The following ITK variants were observed in gnomAD, a reference collection of about 807,000 sequenced individuals.
ITK encodes the protein tyrosine-protein kinase ITK/TSK.
A neutral mutation model predicts 87.6 loss-of-function variants in ITK; 45 were observed. The observed-to-expected ratio is 0.51, with a 90% CI of 0.40 to 0.66. ITK has a LOEUF of 0.66. Ranked by LOEUF, ITK falls within the 30% of genes least tolerant of loss-of-function variation. The pLI is 0.00. For missense variants in ITK, 605 were observed against 766.3 expected, an observed-to-expected ratio of 0.79 and a Z score of 2.48; for synonymous variants, 303 against 273.6, an observed-to-expected ratio of 1.11 and a Z score of -1.06.
intron 10 of ITK, chr5:157,240,709 T>C (rs1754875270): frequency 1.0e-5 from 2 of 190,888 alleles, no homozygotes; most frequent in African/African-American, 4.7e-5. Flanking sequence ...GAGTATCACA[T>C]GGCAGGAGCA....
Position 157,228,366 on chromosome 5 carries a change from G to C in ITK, c.713+5G>C, listed in dbSNP as rs1001542336. On this transcript the variant is annotated splice_donor_5th_base_variant and intron_variant, in intron 7 of 16. Transcript: ENST00000422843. ...AAATAATCTGGAAACCTATGAGTAA[G>C]ATATTTTATTTGTTTTTGGAAAATA... 6.4e-7 allele frequency: 1 copy of C among 1,552,890 alleles called. No homozygotes were observed. The highest frequency in any genetic ancestry group is 8.9e-7 in the Non-Finnish European group (1 of 1,124,522).
At chr5:157,231,041 T>C (rs192182748) in intron 7 of ITK, among the ~76,000 whole-genome samples, 1 of 152,330 alleles carries the variant, frequency 6.6e-6, no homozygotes, top group African/African-American at 2.4e-5. Context: ...TTTTTATTCG[T>C]GAACTTAGTG....
chr5:157,212,841 T>C (rs1208769721), intron 3 of ITK, among the ~76,000 whole-genome samples: 1 of 150,798 alleles, frequency 6.6e-6, no homozygotes, highest in Non-Finnish European at 1.5e-5. Flanking sequence ...ACCCTGTTCT[T>C]ACCCCACCAA....
At chr5:157,233,770 T>C (rs994752065) in intron 8 of ITK, among the ~76,000 whole-genome samples, 2 of 151,432 alleles carry the variant, frequency 1.3e-5, no homozygotes, top group Non-Finnish European at 1.5e-5. Context: ...AGTTTTGTTA[T>C]ATTAATCACA....
intron 12 of ITK, 42 bp from the exon 13 acceptor site, chr5:157,244,220 G>T: frequency 6.6e-7 from 1 of 1,512,822 alleles, no homozygotes; most frequent in South Asian, 1.1e-5. Flanking sequence ...ATTTTTGGGA[G>T]ACTGAGTTTA....
intron 1 of ITK, among the ~76,000 whole-genome samples, chr5:157,190,627 T>C (rs1294237128): frequency 5.9e-5 from 9 of 152,190 alleles, no homozygotes; most frequent in African/African-American, 1.7e-4. Flanking sequence ...GTAGGTTCTA[T>C]GGCAAGACCA....
intron 1 of ITK, among the ~76,000 whole-genome samples, chr5:157,207,624 C>T (rs923635787): frequency 6.6e-6 from 1 of 151,990 alleles, no homozygotes; most frequent in Admixed American, 6.6e-5. Flanking sequence ...AGGTGATCTT[C>T]CCGTGTCGGC....
intron 1 of ITK, among the ~76,000 whole-genome samples, chr5:157,182,789 T>A (rs1050200119): frequency 6.6e-6 from 1 of 152,208 alleles, no homozygotes; most frequent in Non-Finnish European, 1.5e-5. Flanking sequence ...ATCATCTCAT[T>A]TAGTTAGTAT....
intron 6 of ITK, among the ~76,000 whole-genome samples, chr5:157,227,098 G>T (rs1434801697): frequency 6.6e-6 from 1 of 152,116 alleles, no homozygotes; most frequent in Non-Finnish European, 1.5e-5. Flanking sequence ...AGGATTACAG[G>T]TGTGAGCCAC....
At chr5:157,203,072 A>C (rs1165195232) in intron 1 of ITK, among the ~76,000 whole-genome samples, 4 of 152,010 alleles carry the variant, frequency 2.6e-5, no homozygotes, top group Non-Finnish European at 4.4e-5. Context: ...CTCCTGTTCG[A>C]CTTTTTGGTC....
intron 8 of ITK, among the ~76,000 whole-genome samples, chr5:157,236,467 C>T (rs1754777658): frequency 6.6e-6 from 1 of 152,014 alleles, no homozygotes; most frequent in Non-Finnish European, 1.5e-5. Context: ...GATATGTGCC[C>T]ACAGGCAAAC....
intron 16 of ITK, among the ~76,000 whole-genome samples, chr5:157,250,123 A>G (rs1755112355): frequency 6.6e-6 from 1 of 152,208 alleles, no homozygotes; most frequent in African/African-American, 2.4e-5. Context: ...TGTGCTGTAG[A>G]GTTCTGTAGG....
chr5:157,189,775 G>A (rs375918580), intron 1 of ITK, among the ~76,000 whole-genome samples: 2 of 152,230 alleles, frequency 1.3e-5, no homozygotes, highest in African/African-American at 2.4e-5. Flanking sequence ...TGGAAATCGT[G>A]TCTACAAAAA....
chr5:157,206,393 G>A (rs1202991624), intron 1 of ITK, among the ~76,000 whole-genome samples: 2 of 152,088 alleles, frequency 1.3e-5, no homozygotes, highest in Non-Finnish European at 2.9e-5. Context: ...GGATGATGCT[G>A]GCCTCATAGA....
intron 1 of ITK, among the ~76,000 whole-genome samples, chr5:157,203,992 T>A (rs1184829443): frequency 6.6e-6 from 1 of 152,214 alleles, no homozygotes; most frequent in Non-Finnish European, 1.5e-5. Context: ...CACATGCCTC[T>A]GTAGTATTTT....
chr5:157,200,812 C>T (rs1753955359), intron 1 of ITK, among the ~76,000 whole-genome samples: 1 of 152,164 alleles, frequency 6.6e-6, no homozygotes, highest in African/African-American at 2.4e-5. Context: ...GAGAACTCCT[C>T]CTTGGAAATC....
At chr5:157,236,848 T>C (rs1040917420) in intron 8 of ITK, among the ~76,000 whole-genome samples, 5 of 152,144 alleles carry the variant, frequency 3.3e-5, no homozygotes, top group African/African-American at 1.2e-4. Flanking sequence ...TTCCCACCTC[T>C]CTCATGAAAC....
At chr5:157,212,422 T>TGTTGTGAGCCTTAAATCG (rs1164446064) in intron 3 of ITK, among the ~76,000 whole-genome samples, 3 of 152,156 alleles carry the variant, frequency 2.0e-5, no homozygotes, top group Non-Finnish European at 4.4e-5. Flanking sequence ...ATCCCGAGGT[T>TGTTGTGAGCCTTAAATCG]GTTGTGAGCC....
In ITK at chr5:157,252,761, C is replaced by A. The variant is rs1755168699; in HGVS notation, c.*83C>A. On this transcript the variant is annotated 3_prime_UTR_variant, in exon 17 of 17. Coordinates refer to ENST00000422843, the MANE Select transcript of ITK (RefSeq NM_005546.4). Reference sequence around the variant, plus strand: ...TCATTCCATAGAGCATTAGAAGCTGCCACCAGCCCAGGACCCTCCAGAGGC... The same window carrying A: ...TCATTCCATAGAGCATTAGAAGCTGACACCAGCCCAGGACCCTCCAGAGGC... 1.8e-6 allele frequency: 2 copies of A among 1,123,450 alleles called. No individual in the cohort carries two copies. The highest frequency in any genetic ancestry group is 2.7e-6 in the Non-Finnish European group (2 of 736,788). The allele number at this position is 1,123,450 out of a possible 1,614,324, so 69.6% of individuals were successfully genotyped here. A position where few individuals can be genotyped will look rare whatever the true frequency, so the allele number is the denominator to read the frequency against.
Sources: gnomAD v4.1 joint callset for allele counts (sites outside exome capture counted in the v4.1 genomes callset) on GRCh38, gnomAD v4.1.1 for gene constraint, MANE v1.5 for transcripts, NCBI Gene and HGNC (gene_info 2026-07-23, HGNC 2026-07-21) for gene names.